The following LAMA1 variants were observed in gnomAD, a reference collection of about 807,000 sequenced individuals.
The protein encoded by LAMA1 is laminin subunit alpha 1, also known as laminin subunit alpha-1.
LAMA1 carries 219 observed loss-of-function variants against 348.7 expected under a neutral mutation model. The ratio of observed to expected loss-of-function variants is 0.63; its 90% CI spans 0.56 to 0.70. The LOEUF is 0.70. Ranked by LOEUF, LAMA1 falls within the 30% of genes least tolerant of loss-of-function variation. LAMA1 has a pLI of 0.00. For missense variants in LAMA1, 3,744 were observed against 3,888.0 expected, an observed-to-expected ratio of 0.96 and a Z score of 0.99; for synonymous variants, 1,487 against 1,491.0, an observed-to-expected ratio of 1.00 and a Z score of 0.06.
intron 61 of LAMA1, 88 bp from the exon 62 acceptor site, chr18:6,943,490 T>C: frequency 9.1e-7 from 1 of 1,101,564 alleles, no homozygotes; most frequent in Non-Finnish European, 1.4e-6. Flanking sequence ...AATTGCAGCA[T>C]TATGTTTAAA....
chr18:7,054,852 C>A (rs1047804612), intron 3 of LAMA1, among the ~76,000 whole-genome samples: 1 of 152,134 alleles, frequency 6.6e-6, no homozygotes, highest in East Asian at 1.9e-4. Flanking sequence ...CTCTTCCTTA[C>A]AATTTTAATA....
At chr18:7,075,305 G>T (rs147549688) in intron 3 of LAMA1, among the ~76,000 whole-genome samples, 1 of 152,094 alleles carries the variant, frequency 6.6e-6, no homozygotes, top group African/African-American at 2.4e-5. Flanking sequence ...AAAGAGGAGG[G>T]GGGGGAAGTT....
intron 3 of LAMA1, among the ~76,000 whole-genome samples, chr18:7,055,869 C>T (rs568404262): frequency 1.3e-5 from 2 of 152,002 alleles, no homozygotes; most frequent in Non-Finnish European, 2.9e-5. Flanking sequence ...ATCACGAGGT[C>T]AGGAGATCGA....
chr18:6,959,559 C>G, intron 53 of LAMA1, 67 bp from the exon 54 acceptor site: 1 of 1,548,072 alleles, frequency 6.5e-7, no homozygotes. Context: ...AAACTTTCAT[C>G]TTATGAAGAT....
At chr18:6,997,961 A>G (rs1288904987) in intron 32 of LAMA1, 77 bp from the exon 33 acceptor site, 2 of 1,378,012 alleles carry the variant, frequency 1.5e-6, no homozygotes, top group African/African-American at 2.8e-5. Flanking sequence ...GAGTTGCGCA[A>G]GTTGTTTTGT....
At chr18:7,019,371 C>T (rs2057905048) in intron 19 of LAMA1, among the ~76,000 whole-genome samples, 1 of 152,066 alleles carries the variant, frequency 6.6e-6, no homozygotes, top group South Asian at 2.1e-4. Flanking sequence ...GTGTGTCTCC[C>T]CTCCGTGTTT....
At chr18:6,967,160 A>G (rs1199418196) in intron 48 of LAMA1, among the ~76,000 whole-genome samples, 1 of 152,214 alleles carries the variant, frequency 6.6e-6, no homozygotes, top group African/African-American at 2.4e-5. Context: ...GGATGATAAA[A>G]GAAAACAAAA....
intron 33 of LAMA1, among the ~76,000 whole-genome samples, chr18:6,996,183 T>C (rs771444542): frequency 1.1e-4 from 17 of 152,150 alleles, no homozygotes; most frequent in Non-Finnish European, 2.4e-4. Flanking sequence ...TTTGTGACGT[T>C]TGAGGAAAGT....
chr18:7,079,883 G>C, intron 3 of LAMA1, 92 bp downstream of exon 3: 1 of 896,740 alleles, frequency 1.1e-6, no homozygotes, highest in Non-Finnish European at 1.8e-6. Context: ...ATGTAAATGT[G>C]TTCAGAAAGA....
At chr18:7,076,621 T>C (rs1246159534) in intron 3 of LAMA1, among the ~76,000 whole-genome samples, 1 of 147,878 alleles carries the variant, frequency 6.8e-6, no homozygotes, top group Admixed American at 6.7e-5. Context: ...TTAAGAAGCA[T>C]AGCAATCCAA....
At chr18:7,045,307 A>G (rs2058037421) in intron 6 of LAMA1, among the ~76,000 whole-genome samples, 1 of 152,020 alleles carries the variant, frequency 6.6e-6, no homozygotes, top group Non-Finnish European at 1.5e-5. Flanking sequence ...CATCTCTACT[A>G]AAAATACAAA....
At chr18:6,951,350 C>A (rs2057545809) in intron 57 of LAMA1, among the ~76,000 whole-genome samples, 1 of 152,194 alleles carries the variant, frequency 6.6e-6, no homozygotes, top group Admixed American at 6.5e-5. Context: ...CAGAAAGGGG[C>A]AAGCCCCTGC....
chr18:6,945,166 A>C (rs1395630375), intron 61 of LAMA1, among the ~76,000 whole-genome samples: 2 of 152,110 alleles, frequency 1.3e-5, no homozygotes, highest in Non-Finnish European at 2.9e-5. Flanking sequence ...AGGTTTTGGG[A>C]TTACAGGTGT....
At chr18:7,063,818 A>G (rs1490416124) in intron 3 of LAMA1, among the ~76,000 whole-genome samples, 1 of 152,226 alleles carries the variant, frequency 6.6e-6, no homozygotes, top group Non-Finnish European at 1.5e-5. Flanking sequence ...AAATTCATAG[A>G]CAAAAGCTGA....
Position 6,985,294 on chromosome 18 carries a change from A to T in LAMA1, c.5603T>A (p.Val1868Asp). The T allele has an allele frequency of 1.2e-6, 2 of 1,614,172 alleles. No individual in the cohort carries two copies. Among genetic ancestry groups the T allele is most frequent in the South Asian group, 2.2e-5 (2 of 91,080 alleles). Residue 1868 changes from valine to aspartate, a missense_variant, in exon 39 of 63, where the codon GTC becomes GAC. By Grantham distance (152) the Val-to-Asp change is radical (BLOSUM62 -3). Transcript: ENST00000389658. Reference protein sequence around the residue: ...HMSQRNAVDLVYRAEDHAAEF... With the variant: ...HMSQRNAVDLDYRAEDHAAEF... ...AGCGGCATGGTCCTCAGCTCTGTAG[A>T]CCAGGTCGACTGCGTTCCTTTGGGA... is the stretch of plus-strand genomic sequence containing the variant.
rs895914147 is a variant in LAMA1, at chr18:6,985,343, T to C, written c.5554A>G (p.Ile1852Val). 4.3e-6 allele frequency: 7 copies of C among 1,614,232 alleles called. No individual in the cohort carries two copies. Among genetic ancestry groups the C allele is most frequent in the South Asian group, 2.2e-5 (2 of 91,082 alleles). The change falls in exon 39 of 63, where the codon ATA becomes GTA. Residue 1852 changes from isoleucine (I) to valine (V), a missense_variant. Physicochemically the swap from Ile to Val is conservative, Grantham distance 29. Coordinates refer to ENST00000389658, the MANE Select transcript of LAMA1 (RefSeq NM_005559.4). ...GACATGTGCATGACCAGGTCATCTATGTGGTGCCTGATTTTGGCAGACCAT... is the reference window on the plus strand; with the variant it reads ...GACATGTGCATGACCAGGTCATCTACGTGGTGCCTGATTTTGGCAGACCAT... ...LLWSAKIRHH[I>V]DDLVMHMSQR... is the part of the protein sequence containing the mutation.
intron 29 of LAMA1, among the ~76,000 whole-genome samples, chr18:7,004,340 G>A (rs927656161): frequency 1.3e-5 from 2 of 152,150 alleles, no homozygotes; most frequent in African/African-American, 4.8e-5. Flanking sequence ...CCCTTCCAAG[G>A]CATACTTCCA....
chr18:7,035,415 T>C (rs1479863104), intron 13 of LAMA1, among the ~76,000 whole-genome samples: 1 of 151,564 alleles, frequency 6.6e-6, no homozygotes, highest in African/African-American at 2.4e-5. Flanking sequence ...ATTTGTCTCC[T>C]TTTTACTTAA....
chr18:6,951,907 G>A (rs902617353), intron 57 of LAMA1, among the ~76,000 whole-genome samples: 56 of 152,216 alleles, frequency 3.7e-4, no homozygotes, highest in African/African-American at 1.3e-3. Flanking sequence ...ACGGCAAAGA[G>A]CAGGAGAGCA....
Sources: gnomAD v4.1 joint callset for allele counts (sites outside exome capture counted in the v4.1 genomes callset) on GRCh38, gnomAD v4.1.1 for gene constraint, MANE v1.5 for transcripts, NCBI Gene and HGNC (gene_info 2026-07-23, HGNC 2026-07-21) for gene names.